Variants in NELFB observed in about 807,000 individuals in gnomAD.
NELFB encodes negative elongation factor B.
Under a neutral mutation model 60.2 loss-of-function variants are expected in NELFB, and 34 were observed. The observed-to-expected ratio is 0.56, with a 90% CI of 0.43 to 0.75. NELFB has a LOEUF of 0.75. Ranked by LOEUF, NELFB falls within the 30% of genes least tolerant of loss-of-function variation. The pLI is 0.00. For synonymous variants in NELFB, 459 were observed against 382.1 expected (o/e 1.20, Z -2.35); for missense variants, 770 against 831.6 (o/e 0.93, Z 0.91).
At chr9:137,259,627 G>C (rs1190069267) in intron 4 of NELFB, among the ~76,000 whole-genome samples, 2 of 151,112 alleles carry the variant, frequency 1.3e-5, no homozygotes, top group Non-Finnish European at 3.0e-5. Context: ...TTAGTCCTAG[G>C]TTGATTCTCT....
At chr9:137,258,995 G>T (rs1837602487) in intron 4 of NELFB, among the ~76,000 whole-genome samples, 1 of 152,098 alleles carries the variant, frequency 6.6e-6, no homozygotes. Context: ...CTTGAGCTTA[G>T]TAGTTAAAGA....
chr9:137,263,154 G>A lies in NELFB; in HGVS notation c.859G>A (p.Ala287Thr). The change falls in exon 5 of 13, where the codon GCT (alanine) becomes ACT (threonine). Residue 287 changes from alanine to threonine, a missense_variant. Transcript: ENST00000343053. ...GAATGTGCACTACTGCACGCTGCGG[G>A]CTGAGCTGCTCATGTCCCTGCACGA... 1 of 1,613,982 alleles carries A rather than the reference G, an allele frequency of 6.2e-7. No homozygotes were observed. Among genetic ancestry groups the A allele is most frequent in the Non-Finnish European group, 8.5e-7 (1 of 1,180,008 alleles).
chr9:137,266,868 C>G, intron 8 of NELFB, 76 bp from the exon 9 acceptor site: 1 of 1,520,246 alleles, frequency 6.6e-7, no homozygotes, highest in Non-Finnish European at 8.8e-7. Flanking sequence ...GGGCCAGGGG[C>G]AGGGTGTGTG....
At chr9:137,270,046 C>A (rs1830564031) in intron 10 of NELFB, among the ~76,000 whole-genome samples, 1 of 152,146 alleles carries the variant, frequency 6.6e-6, no homozygotes, top group South Asian at 2.1e-4. Flanking sequence ...GGACCCAGCA[C>A]CATCTCCAAC....
intron 1 of NELFB, 114 bp from the exon 2 acceptor site, chr9:137,255,793 C>T (rs578092753): frequency 2.6e-6 from 4 of 1,529,472 alleles, no homozygotes; most frequent in South Asian, 1.2e-5. Flanking sequence ...TCGGTGGCTG[C>T]GGTTACCGCC....
intron 10 of NELFB, among the ~76,000 whole-genome samples, chr9:137,268,368 G>A (rs1340353462): frequency 1.3e-5 from 2 of 152,160 alleles, no homozygotes; most frequent in African/African-American, 2.4e-5. Flanking sequence ...GGCGGATCAC[G>A]AGGTCAGGAG....
chr9:137,259,485 C>G (rs1232146584), intron 4 of NELFB, among the ~76,000 whole-genome samples: 1 of 152,126 alleles, frequency 6.6e-6, no homozygotes, highest in Non-Finnish European at 1.5e-5. Context: ...AGACAGAGCC[C>G]TTGGACCCCT....
At chr9:137,266,778 T>G (rs1830522525) in intron 8 of NELFB, among the ~76,000 whole-genome samples, 166 bp from the exon 9 acceptor site, 4 of 128,912 alleles carry the variant, frequency 3.1e-5, no homozygotes, top group Admixed American at 7.9e-5. Flanking sequence ...ATGGCCTGGG[T>G]GGGGGACTCG....
rs544826401 is a variant in NELFB at position 137,272,690 on chromosome 9, G to C, written c.1740+75G>C. On this transcript the variant is annotated intron_variant, in intron 12 of 12. Coordinates refer to ENST00000343053, the MANE Select transcript of NELFB (RefSeq NM_015456.5). ...CGTGTGTGCTTGCCAAGCTGCCCTT[G>C]TGGTGCTTGTGTGTGGTCGGTGGGC... 5 of 1,529,744 alleles carry C rather than the reference G, an allele frequency of 3.3e-6. No homozygotes were observed. In the South Asian group the frequency reaches 6.1e-5, roughly 19 times the overall value. The allele number at this position is 1,529,744 out of a possible 1,614,324, so 94.8% of individuals were successfully genotyped here. A position where few individuals can be genotyped will look rare whatever the true frequency, so the allele number is the denominator to read the frequency against.
chr9:137,272,302 C>T, intron 11 of NELFB, 80 bp downstream of exon 11: 1 of 1,581,840 alleles, frequency 6.3e-7, no homozygotes, highest in Non-Finnish European at 8.6e-7. Flanking sequence ...GCTGCTGTCC[C>T]CAGCCTGGGG....
At chr9:137,261,200 C>T (rs934644507) in intron 4 of NELFB, among the ~76,000 whole-genome samples, 34 of 151,118 alleles carry the variant, frequency 2.2e-4, no homozygotes, top group African/African-American at 7.6e-4. Context: ...ATTAGCTGGG[C>T]GTGGTGGTGG....
At position 137,255,587 on chromosome 9, in the gene NELFB, G is replaced by T. The variant is rs201291926; in HGVS notation, c.222G>T (p.Pro74=). 6.3e-4 allele frequency: 969 copies of T among 1,549,446 alleles called. 8 individuals are homozygous for T. In the African/African-American group the frequency reaches 0.012, roughly 19 times the overall value. Reference sequence around the variant, plus strand: ...AGACCCTGACCAACTGCACGGAGCCGCTCAAGGCCATCGAGCAGTTCCAGG... The same window carrying T: ...AGACCCTGACCAACTGCACGGAGCCTCTCAAGGCCATCGAGCAGTTCCAGG... Residue 74 remains proline (P), a synonymous_variant, in exon 1 of 13, where the codon CCG becomes CCT. Transcript: ENST00000343053.
chr9:137,267,336 G>C lies in NELFB; in HGVS notation c.1479G>C (p.Leu493=). 1 of 1,608,288 alleles carries C rather than the reference G, an allele frequency of 6.2e-7. No individual in the cohort carries two copies. The highest frequency in any genetic ancestry group is 8.5e-7 in the Non-Finnish European group (1 of 1,177,570). ...ACAAGAACGCGCTCCTCCGCCTGCTGCCCGGGCTGGGTAAGTCCTGACGGG... is the reference window on the plus strand; with the variant it reads ...ACAAGAACGCGCTCCTCCGCCTGCTCCCCGGGCTGGGTAAGTCCTGACGGG... The change falls in exon 10 of 13, where the codon CTG becomes CTC. Residue 493 remains leucine (L), a synonymous_variant. Transcript: ENST00000343053.
chr9:137,262,841 T>TA (rs550921623), intron 4 of NELFB, among the ~76,000 whole-genome samples, 196 bp from the exon 5 acceptor site: 28 of 151,892 alleles, frequency 1.8e-4, no homozygotes, highest in Admixed American at 4.6e-4. Context: ...AAAAAAGTAA[T>TA]AAAAAAAATA....
chr9:137,263,347 C>T (rs527780227), intron 5 of NELFB, 125 bp downstream of exon 5: 1 of 631,352 alleles, frequency 1.6e-6, no homozygotes, highest in African/African-American at 2.5e-5. Flanking sequence ...TAGCGCTGCC[C>T]TCCCTCCCTC....
chr9:137,258,118 G>GT (rs56338605), intron 4 of NELFB, among the ~76,000 whole-genome samples: 137 of 84,438 alleles, frequency 1.6e-3, no homozygotes, highest in African/African-American at 3.8e-3. Flanking sequence ...ATTTGTTGGG[G>GT]TTTTTTTTTT....
intron 10 of NELFB, 58 bp from the exon 11 acceptor site, chr9:137,272,023 G>T: frequency 6.2e-7 from 1 of 1,601,984 alleles, no homozygotes; most frequent in Non-Finnish European, 8.5e-7. Flanking sequence ...GAGGACAAGG[G>T]TGCCCTCTGG....
intron 3 of NELFB, 86 bp downstream of exon 3, chr9:137,256,514 G>T (rs1837554171): frequency 1.7e-6 from 2 of 1,196,170 alleles, no homozygotes; most frequent in Non-Finnish European, 2.4e-6. Flanking sequence ...TGGCCGCCTA[G>T]CTCCGGGAGC....
chr9:137,261,356 AG>A (rs1830441260), intron 4 of NELFB, among the ~76,000 whole-genome samples: 2 of 137,094 alleles, frequency 1.5e-5, no homozygotes, highest in Admixed American at 1.5e-4. Context: ...AAAAAAAAAA[AG>A]TAAAAAAAAA....
Sources: gnomAD v4.1 joint callset for allele counts (sites outside exome capture counted in the v4.1 genomes callset) on GRCh38, gnomAD v4.1.1 for gene constraint, MANE v1.5 for transcripts, NCBI Gene and HGNC (gene_info 2026-07-23, HGNC 2026-07-21) for gene names.